COQ8B: variants seen among roughly 807,000 people sequenced by gnomAD.
COQ8B encodes coenzyme Q8B.
A neutral mutation model predicts 62.0 loss-of-function variants in COQ8B; 44 were observed. The ratio of observed to expected loss-of-function variants is 0.71; its 90% CI spans 0.56 to 0.91. The LOEUF is 0.91. COQ8B is among the 40% of genes least tolerant of loss of function. The probability of loss-of-function intolerance (pLI) is 0.00; values close to 1 mark genes in which losing one functional copy is unlikely to be tolerated. For synonymous variants in COQ8B, 252 were observed against 289.9 expected (o/e 0.87, Z 1.33); for missense variants, 649 against 731.6 (o/e 0.89, Z 1.30).
chr19:40,693,131 A>C, intron 13 of COQ8B, 94 bp from the exon 14 acceptor site: 1 of 1,044,422 alleles, frequency 9.6e-7, no homozygotes, highest in Non-Finnish European at 1.4e-6. Flanking sequence ...CCATGTACCC[A>C]CCTCCATTCT....
chr19:40,700,753 G>A, intron 10 of COQ8B: 1 of 394,324 alleles, frequency 2.5e-6, no homozygotes, highest in Non-Finnish European at 4.6e-6. Flanking sequence ...AGAAGGATGA[G>A]TTCAGGTGTA....
At chr19:40,707,133 G>A (rs977952678) in intron 5 of COQ8B, among the ~76,000 whole-genome samples, 2 of 152,058 alleles carry the variant, frequency 1.3e-5, no homozygotes, top group African/African-American at 4.8e-5. Flanking sequence ...GCTGGGCATG[G>A]TGGTGCATGC....
At chr19:40,693,435 C>T (rs963976415) in intron 13 of COQ8B, among the ~76,000 whole-genome samples, 52 of 152,204 alleles carry the variant, frequency 3.4e-4, no homozygotes, top group African/African-American at 1.2e-3. Flanking sequence ...CTTTGAGCCC[C>T]GTGAGAGCAA....
chr19:40,692,386 G>GT lies in COQ8B; in HGVS notation c.1297-14dup, dbSNP rs1568435598. 1 of 1,610,970 alleles carries GT rather than the reference G, an allele frequency of 6.2e-7. No individual in the cohort carries two copies. The highest frequency in any genetic ancestry group is 1.1e-5 in the South Asian group (1 of 90,918). ...CGTCGGAGAATGCCTGGGAGTGGGG[G>GT]TGGGGGGAGAGCAAAGGCAGCCAGT... is the stretch of plus-strand genomic sequence containing the variant. On this transcript the variant is annotated splice_polypyrimidine_tract_variant and intron_variant, in intron 14 of 14. Coordinates refer to ENST00000324464, the MANE Select transcript of COQ8B (RefSeq NM_024876.4).
chr19:40,712,292 C>T (rs746462364), intron 4 of COQ8B, among the ~76,000 whole-genome samples: 5 of 151,012 alleles, frequency 3.3e-5, no homozygotes, highest in African/African-American at 9.8e-5. Context: ...CAGAAATTAG[C>T]GGTCAGGCAC....
chr19:40,709,980 A>T, intron 5 of COQ8B, 79 bp downstream of exon 5: 1 of 1,446,716 alleles, frequency 6.9e-7, no homozygotes, highest in Admixed American at 1.8e-5. Flanking sequence ...AGGAAACTGG[A>T]GCTCAGAGGG....
At chr19:40,696,192 C>G (rs749992771) in intron 12 of COQ8B, 138 bp from the exon 13 acceptor site, 19 of 908,284 alleles carry the variant, frequency 2.1e-5, no homozygotes, top group African/African-American at 6.6e-5. Context: ...CCTCACTGGG[C>G]TCCTGGCCTC....
intron 13 of COQ8B, among the ~76,000 whole-genome samples, chr19:40,693,872 C>CG (rs1555755448): frequency 7.5e-4 from 114 of 152,134 alleles, no homozygotes; most frequent in Middle Eastern, 3.4e-3. Context: ...GGAGTGGAAC[C>CG]GGGTCACACC....
chr19:40,707,034 C>T (rs1005120359), intron 5 of COQ8B, among the ~76,000 whole-genome samples: 4 of 152,060 alleles, frequency 2.6e-5, no homozygotes, highest in African/African-American at 7.2e-5. Context: ...CACTTTGGGA[C>T]GTCGGGGCGG....
chr19:40,709,670 C>A (rs546613618), intron 5 of COQ8B, among the ~76,000 whole-genome samples: 1 of 152,006 alleles, frequency 6.6e-6, no homozygotes, highest in East Asian at 1.9e-4. Context: ...ATGGTGAAAC[C>A]GTCTCTACTA....
intron 4 of COQ8B, among the ~76,000 whole-genome samples, chr19:40,712,972 G>A (rs1049241953): frequency 2.0e-5 from 3 of 152,042 alleles, no homozygotes. Context: ...CCAGCACTTC[G>A]GGAGGCCGAG....
intron 14 of COQ8B, 89 bp from the exon 15 acceptor site, chr19:40,692,462 C>A: frequency 8.7e-7 from 1 of 1,144,366 alleles, no homozygotes. Context: ...AGCCTCCACT[C>A]CCTCCAGTCT....
At chr19:40,716,134 G>A (rs2082183729) in intron 1 of COQ8B, among the ~76,000 whole-genome samples, 1 of 152,096 alleles carries the variant, frequency 6.6e-6, no homozygotes, top group Admixed American at 6.6e-5. Flanking sequence ...TGAGGTACTA[G>A]GTGGGCTCCT....
chr19:40,713,970 CT>C, intron 4 of COQ8B, 96 bp downstream of exon 4: 1 of 1,344,054 alleles, frequency 7.4e-7, no homozygotes, highest in Admixed American at 1.8e-5. Flanking sequence ...GTCTCTCTCT[CT>C]TTCCTGTCTC....
In COQ8B at chr19:40,705,323, AC is replaced by A. The variant is rs754578125; in HGVS notation, c.490+1del. On this transcript the variant is annotated splice_donor_variant, in intron 6 of 14. Transcript: ENST00000324464. LOFTEE classifies it high-confidence loss of function. ...GGTCAGGAGTCGAGGGTCATGCTGTACCCTGGATGCTGAGCATCTGGCCAAC... is the reference window on the plus strand; with the variant it reads ...GGTCAGGAGTCGAGGGTCATGCTGTACCTGGATGCTGAGCATCTGGCCAAC... The A allele has an allele frequency of 2.3e-5, 36 of 1,590,606 alleles. No individual in the cohort carries two copies. The highest frequency in any genetic ancestry group is 2.9e-5 in the Non-Finnish European group (34 of 1,163,254).
At chr19:40,705,292 G>A (rs1240802792) in intron 6 of COQ8B, 33 bp downstream of exon 6, 6 of 1,585,322 alleles carry the variant, frequency 3.8e-6, no homozygotes, top group Non-Finnish European at 5.2e-6. Flanking sequence ...TAGAAGGGAG[G>A]TCAGGGGTCA....
intron 5 of COQ8B, among the ~76,000 whole-genome samples, chr19:40,707,218 G>A (rs749194991): frequency 7.3e-5 from 11 of 151,496 alleles, no homozygotes; most frequent in Non-Finnish European, 1.3e-4. Flanking sequence ...ACAGTGAGCC[G>A]TGATCCCGCC....
Position 40,691,555 on chromosome 19 carries a change from A to C in COQ8B, c.*480T>G, listed in dbSNP as rs1599921059. 1 of 153,168 alleles carries C rather than the reference A, an allele frequency of 6.5e-6. No individual in the cohort carries two copies. Among genetic ancestry groups the C allele is most frequent in the Non-Finnish European group, 1.5e-5 (1 of 68,842 alleles). The allele number at this position is 153,168 out of a possible 1,614,324, so 9.5% of individuals were successfully genotyped here. ...GAAGGGGAGGGCTGCTTTTATTCCG[A>C]TTGAAGATTCAGCTCCCCCCCACCC... On this transcript the variant is annotated 3_prime_UTR_variant, in exon 15 of 15. Coordinates refer to ENST00000324464, the MANE Select transcript of COQ8B (RefSeq NM_024876.4).
rs2604887 is a variant in COQ8B at position 40,702,899 on chromosome 19, G to A, written c.800-206C>T. 0.47 allele frequency among the ~76,000 whole-genome samples: 70,821 copies of A among 151,404 alleles called. 17,224 individuals carry two copies. Among genetic ancestry groups the A allele is most frequent in the Admixed American group, 0.58 (8,847 of 15,258 alleles). The stretch of plus-strand genomic sequence containing the variant: ...CATCTGTCCCTCTCCTGTCTCCCCC[G>A]CTGCCCCTTGCAGCTCCTGCTCCAG... On this transcript the variant is annotated intron_variant, in intron 9 of 14. Transcript: ENST00000324464.
Sources: gnomAD v4.1 joint callset for allele counts (sites outside exome capture counted in the v4.1 genomes callset) on GRCh38, gnomAD v4.1.1 for gene constraint, MANE v1.5 for transcripts, NCBI Gene and HGNC (gene_info 2026-07-23, HGNC 2026-07-21) for gene names.